Variants in MYBPC1 observed in about 807,000 individuals in gnomAD.
MYBPC1 encodes myosin binding protein C1, also known as myosin-binding protein C, slow-type.
A neutral mutation model predicts 147.1 loss-of-function variants in MYBPC1; 52 were observed. That is an observed-to-expected ratio of 0.35 (90% confidence interval 0.28 to 0.45). The LOEUF is 0.45. MYBPC1 is among the 20% of genes least tolerant of loss of function. MYBPC1 has a pLI of 1.00. For missense variants in MYBPC1, 1,228 were observed against 1,440.3 expected (o/e 0.85, Z 2.39); for synonymous variants, 477 against 475.9 (o/e 1.00, Z -0.03).
At chr12:101,636,913 C>A in intron 10 of MYBPC1, 185 bp downstream of exon 10, 1 of 585,504 alleles carries the variant, frequency 1.7e-6, no homozygotes, top group African/African-American at 1.9e-5. Context: ...TCTTTTAAAG[C>A]CTTTAACAGT....
At chr12:101,655,512 G>A (rs921881243) in intron 18 of MYBPC1, among the ~76,000 whole-genome samples, 4 of 152,164 alleles carry the variant, frequency 2.6e-5, no homozygotes, top group Non-Finnish European at 4.4e-5. Context: ...CTTAGAAGTT[G>A]CCACTCTATC....
At position 101,636,746 on chromosome 12, in the gene MYBPC1, G is replaced by A; in HGVS notation, c.665+18G>A. The A allele has an allele frequency of 3.7e-6, 6 of 1,609,738 alleles. No homozygotes were observed. Among genetic ancestry groups the A allele is most frequent in the Non-Finnish European group, 5.1e-6 (6 of 1,176,116 alleles). ...AAACGTAGGTGAGAACAAAGTGATG[G>A]AGTGAGACATTGTGGCCTGGAAGTC... is the stretch of plus-strand genomic sequence containing the variant. On this transcript the variant is annotated intron_variant, in intron 10 of 31. Transcript: ENST00000361466.
intron 28 of MYBPC1, among the ~76,000 whole-genome samples, chr12:101,678,957 GA>G (rs1337129585): frequency 1.3e-5 from 2 of 151,978 alleles, no homozygotes; most frequent in African/African-American, 4.8e-5. Context: ...TCAGGAGTTC[GA>G]GACCAGCCTG....
chr12:101,627,824 A>G lies in MYBPC1; in HGVS notation c.178+20A>G. 1 of 1,610,716 alleles carries G rather than the reference A, an allele frequency of 6.2e-7. No individual in the cohort carries two copies. The highest frequency in any genetic ancestry group is 2.2e-5 in the East Asian group (1 of 44,842). On this transcript the variant is annotated intron_variant, in intron 5 of 31. Transcript: ENST00000361466. Reference sequence around the variant, plus strand: ...ATTCAGGTGAGCGCAAGCCCAGAGAAGGCATCCTGACCTCATCCTAATACA... The same window carrying G: ...ATTCAGGTGAGCGCAAGCCCAGAGAGGGCATCCTGACCTCATCCTAATACA...
intron 10 of MYBPC1, among the ~76,000 whole-genome samples, chr12:101,641,136 A>G (rs1477128160): frequency 2.1e-5 from 3 of 145,634 alleles, no homozygotes; most frequent in African/African-American, 5.1e-5. Context: ...AAAAAAAAAG[A>G]AGGCACTCTG....
intron 26 of MYBPC1, among the ~76,000 whole-genome samples, chr12:101,676,920 G>A (rs1041325825): frequency 6.6e-6 from 1 of 152,034 alleles, no homozygotes. Context: ...TAGACAGGTA[G>A]ATAAATAGAT....
At chr12:101,630,529 G>T (rs1389300056) in intron 6 of MYBPC1, among the ~76,000 whole-genome samples, 1 of 152,184 alleles carries the variant, frequency 6.6e-6, no homozygotes, top group African/African-American at 2.4e-5. Context: ...GCCAGTGTCT[G>T]CTGACATTAC....
At chr12:101,609,316 G>C (rs929485691) in intron 1 of MYBPC1, among the ~76,000 whole-genome samples, 1 of 151,900 alleles carries the variant, frequency 6.6e-6, no homozygotes, top group African/African-American at 2.4e-5. Flanking sequence ...TCTGGAGATG[G>C]GGTCTTGCTC....
Position 101,631,575 on chromosome 12 carries a change from A to T in MYBPC1, c.294A>T (p.Glu98Asp). ...AATCCCTTATGCTTCTTCTAGGTGAAGATATCACCTTCATAGCCAAAGTCA... is the reference window on the plus strand; with the variant it reads ...AATCCCTTATGCTTCTTCTAGGTGATGATATCACCTTCATAGCCAAAGTCA... ...KPQGGTVKVG[E>D]DITFIAKVKA... is the part of the protein sequence containing the mutation. The change falls in exon 7 of 32, where the codon GAA (glutamate) becomes GAT (aspartate). Residue 98 changes from glutamate to aspartate, a missense_variant. Glu to Asp is a conservative substitution (Grantham distance 45). Coordinates refer to ENST00000361466, the MANE Select transcript of MYBPC1 (RefSeq NM_002465.4). The T allele has an allele frequency of 1.9e-6, 3 of 1,613,916 alleles. No individual in the cohort carries two copies. Among genetic ancestry groups the T allele is most frequent in the Non-Finnish European group, 2.5e-6 (3 of 1,179,856 alleles).
chr12:101,598,820 G>A (rs1393481066), intron 1 of MYBPC1, among the ~76,000 whole-genome samples: 1 of 152,094 alleles, frequency 6.6e-6, no homozygotes, highest in Admixed American at 6.6e-5. Context: ...GGGCTCAAGA[G>A]ATCCACTTGT....
At chr12:101,693,340 A>G in the MYBPC1 span, among the ~76,000 whole-genome samples, 4 of 152,260 alleles carry the variant, frequency 2.6e-5, no homozygotes, top group Admixed American at 6.5e-5. Context: ...CATAGATTGC[A>G]TAAATAATAG....
At chr12:101,695,114 C>A in the MYBPC1 span, among the ~76,000 whole-genome samples, 1 of 152,180 alleles carries the variant, frequency 6.6e-6, no homozygotes, top group Non-Finnish European at 1.5e-5. Flanking sequence ...TCTACTCTTC[C>A]TAGCAAACAC....
the MYBPC1 span, among the ~76,000 whole-genome samples, chr12:101,692,910 A>T: frequency 0.032 from 4,884 of 151,582 alleles, 98 homozygotes; most frequent in Non-Finnish European, 0.044. Context: ...GAGCATGATG[A>T]GTAGTTTAAA....
rs148345400 is a variant in MYBPC1, at chr12:101,612,280, T to C, written c.26-2216T>C. On this transcript the variant is annotated intron_variant, in intron 1 of 31. Transcript: ENST00000361466. Reference sequence around the variant, plus strand: ...TATCTTGTTATTCTTATTTCACAGATGAAGAGCCCAAGGCTGTTAGAGATT... The same window carrying C: ...TATCTTGTTATTCTTATTTCACAGACGAAGAGCCCAAGGCTGTTAGAGATT... Among the ~76,000 whole-genome samples the C allele has an allele frequency of 6.6e-5, 10 of 152,172 alleles. No individual in the cohort carries two copies. The East Asian group carries it at 7.7e-4, about 12-fold the overall frequency.
chr12:101,647,857 A>T (rs1346116149), intron 13 of MYBPC1, among the ~76,000 whole-genome samples, 188 bp from the exon 14 acceptor site: 1 of 152,226 alleles, frequency 6.6e-6, no homozygotes, highest in Non-Finnish European at 1.5e-5. Flanking sequence ...ACTACACCTC[A>T]GCCTGGACAG....
chr12:101,676,176 A>T (rs1007428596), intron 26 of MYBPC1, among the ~76,000 whole-genome samples: 2 of 152,210 alleles, frequency 1.3e-5, no homozygotes, highest in Non-Finnish European at 2.9e-5. Flanking sequence ...AAGCCAAAAG[A>T]TTGAAAACCC....
intron 19 of MYBPC1, chr12:101,660,513 T>C (rs1896333313): frequency 6.1e-6 from 1 of 163,818 alleles, no homozygotes; most frequent in African/African-American, 2.4e-5. Context: ...GGGTTTCATA[T>C]GGGGCTTATT....
chr12:101,660,443 A>G (rs893689864), intron 19 of MYBPC1: 2 of 166,600 alleles, frequency 1.2e-5, no homozygotes, highest in East Asian at 1.6e-4. Flanking sequence ...CAACAACCAT[A>G]TTCAACATTT....
chr12:101,684,453 A>G, intron 31 of MYBPC1, 29 bp downstream of exon 31: 1 of 1,534,622 alleles, frequency 6.5e-7, no homozygotes, highest in Non-Finnish European at 8.9e-7. Flanking sequence ...TTGGCATATG[A>G]AGCTTATGAC....
Sources: allele counts gnomAD v4.1 joint callset (sites outside exome capture counted in the v4.1 genomes callset), GRCh38; gene constraint gnomAD v4.1.1; transcripts MANE v1.5; gene names NCBI Gene and HGNC (gene_info 2026-07-23, HGNC 2026-07-21).